The following RBPJ variants were observed in gnomAD, a reference collection of about 807,000 sequenced individuals.
RBPJ encodes the protein recombining binding protein suppressor of hairless.
RBPJ carries 9 observed loss-of-function variants against 67.8 expected under a neutral mutation model. That is an observed-to-expected ratio of 0.13 (90% CI 0.08 to 0.23). The LOEUF is 0.23. Among genes scored for constraint, RBPJ ranks in the 10% least tolerant of loss-of-function variants. The pLI, the probability that RBPJ is intolerant of heterozygous loss-of-function variation, is 1.00. For missense variants in RBPJ, 305 were observed against 595.6 expected (o/e 0.51, Z 5.08); for synonymous variants, 198 against 203.3 (o/e 0.97, Z 0.22).
intron 1 of RBPJ, among the ~76,000 whole-genome samples, chr4:26,343,435 GAT>G (rs1725754726): frequency 6.6e-6 from 1 of 152,120 alleles, no homozygotes; most frequent in African/African-American, 2.4e-5. Flanking sequence ...ACTGCCTAAA[GAT>G]ATAAATATTG....
chr4:26,374,987 G>A (rs77238580), intron 1 of RBPJ, among the ~76,000 whole-genome samples: 126 of 151,890 alleles, frequency 8.3e-4, no homozygotes, highest in African/African-American at 2.8e-3. Context: ...GTATGATGAG[G>A]ATAATAATAA....
At chr4:26,320,163 C>T (rs1722868116), upstream of RBPJ, among the ~76,000 whole-genome samples, 1 of 152,216 alleles carries the variant, frequency 6.6e-6, no homozygotes, top group South Asian at 2.1e-4. Context: ...GTCCTCTGGG[C>T]AGACTCGGAG....
At position 26,244,387 on chromosome 4, in the gene RBPJ, A is replaced by G. The variant is rs12510163; in HGVS notation, c.-167+80773A>G. Among the ~76,000 whole-genome samples, 59 of 61,856 alleles carry G rather than the reference A, an allele frequency of 9.5e-4. 13 individuals are homozygous for G. The highest frequency in any genetic ancestry group is 0.015 in the Middle Eastern group (2 of 132). The allele number at this position is 61,856 out of a possible 152,430, so 40.6% of individuals were successfully genotyped here. A position where few individuals can be genotyped will look rare whatever the true frequency, so the allele number is the denominator to read the frequency against. Reference sequence around the variant, plus strand: ...TGCACATATGTGTACACGTGTGTGTATATATGTATGCACATATGTGTGTAT... The same window carrying G: ...TGCACATATGTGTACACGTGTGTGTGTATATGTATGCACATATGTGTGTAT... On this transcript the variant is annotated intron_variant, in intron 1 of 4. Transcript: ENST00000512351.
At chr4:26,213,701 A>T (rs559936985) in intron 1 of RBPJ, among the ~76,000 whole-genome samples, 1 of 152,220 alleles carries the variant, frequency 6.6e-6, no homozygotes, top group African/African-American at 2.4e-5. Context: ...CACACAGGAG[A>T]CTGCCAAGAT....
chr4:26,107,814 CT>C, the RBPJ span, among the ~76,000 whole-genome samples: 4 of 152,194 alleles, frequency 2.6e-5, no homozygotes, highest in Non-Finnish European at 5.9e-5. Flanking sequence ...AAGAGAATCA[CT>C]TGAACCTATG....
intron 1 of RBPJ, among the ~76,000 whole-genome samples, chr4:26,206,175 C>A (rs559645367): frequency 6.6e-5 from 10 of 152,180 alleles, no homozygotes; most frequent in Non-Finnish European, 7.3e-5. Context: ...TTCGAACATT[C>A]TAATGTACAC....
the RBPJ span, among the ~76,000 whole-genome samples, chr4:26,120,097 C>G: frequency 2.6e-5 from 4 of 152,194 alleles, no homozygotes; most frequent in Non-Finnish European, 5.9e-5. Flanking sequence ...CACCTTGAGG[C>G]AGAAGCTGGA....
chr4:26,204,647 A>G (rs1281920308), intron 1 of RBPJ, among the ~76,000 whole-genome samples: 2 of 152,218 alleles, frequency 1.3e-5, no homozygotes, highest in Non-Finnish European at 2.9e-5. Flanking sequence ...TGGAAGTGAC[A>G]CAGCTCAGCA....
intron 1 of RBPJ, among the ~76,000 whole-genome samples, chr4:26,295,762 C>T (rs1237580470): frequency 6.6e-6 from 1 of 152,166 alleles, no homozygotes; most frequent in Non-Finnish European, 1.5e-5. Context: ...TCTTCAGCCA[C>T]TCAGTGTGGG....
At chr4:26,252,349 A>C (rs1720143122) in intron 1 of RBPJ, among the ~76,000 whole-genome samples, 1 of 152,056 alleles carries the variant, frequency 6.6e-6, no homozygotes, top group African/African-American at 2.4e-5. Flanking sequence ...TAGTCCCAGC[A>C]CTTTGGGAGG....
intron 1 of RBPJ, among the ~76,000 whole-genome samples, chr4:26,239,584 C>G (rs116265359): frequency 0.019 from 2,907 of 152,244 alleles, 35 homozygotes; most frequent in Non-Finnish European, 0.028. Flanking sequence ...GTGACCTCTG[C>G]CTGTACTAAA....
chr4:26,408,292 G>A (rs1452922590), intron 3 of RBPJ, among the ~76,000 whole-genome samples: 1 of 151,998 alleles, frequency 6.6e-6, no homozygotes, highest in East Asian at 1.9e-4. Flanking sequence ...TTATTTTATC[G>A]TACTTTACTA....
At chr4:26,377,168 A>G (rs979058045) in intron 1 of RBPJ, among the ~76,000 whole-genome samples, 3 of 152,318 alleles carry the variant, frequency 2.0e-5, no homozygotes, top group Non-Finnish European at 2.9e-5. Flanking sequence ...TCAGTGCTGG[A>G]CACTATTATA....
chr4:26,406,355 G>T, intron 3 of RBPJ, 85 bp downstream of exon 3: 1 of 846,108 alleles, frequency 1.2e-6, no homozygotes, highest in Non-Finnish European at 2.0e-6. Flanking sequence ...TCAGAGGATG[G>T]CTTCTATTAC....
chr4:26,187,847 C>A (rs1382002564), intron 1 of RBPJ, among the ~76,000 whole-genome samples: 6 of 151,888 alleles, frequency 4.0e-5, no homozygotes, highest in Non-Finnish European at 8.8e-5. Context: ...CATGGGGAAA[C>A]CCTGTCTCTA....
upstream of RBPJ, chr4:26,319,852 G>T: frequency 6.3e-7 from 1 of 1,598,882 alleles, no homozygotes; most frequent in Non-Finnish European, 8.6e-7. Context: ...CTCTAGGAAA[G>T]GAAAGAGCAA....
chr4:26,375,085 C>T (rs562025654), intron 1 of RBPJ, among the ~76,000 whole-genome samples: 131 of 151,794 alleles, frequency 8.6e-4, no homozygotes, highest in Non-Finnish European at 1.5e-3. Flanking sequence ...GGGGGATCAC[C>T]GGAGCTCAGG....
chr4:26,161,357 T>A (rs1231830712), upstream of RBPJ, among the ~76,000 whole-genome samples: 1 of 152,202 alleles, frequency 6.6e-6, no homozygotes. Context: ...CTACTTGATT[T>A]TAGGTGATAT....
chr4:26,122,722 G>A, the RBPJ span, among the ~76,000 whole-genome samples: 3 of 152,114 alleles, frequency 2.0e-5, no homozygotes, highest in Non-Finnish European at 4.4e-5. Context: ...TGAATGAGTA[G>A]GATCTAGTAG....
Sources: gnomAD v4.1 joint callset for allele counts (sites outside exome capture counted in the v4.1 genomes callset) on GRCh38, gnomAD v4.1.1 for gene constraint, MANE v1.5 for transcripts, NCBI Gene and HGNC (gene_info 2026-07-23, HGNC 2026-07-21) for gene names.